The following PCDH15 variants were observed in gnomAD, a reference collection of about 807,000 sequenced individuals.
PCDH15 encodes the protein protocadherin related 15, also known as protocadherin-15.
Under a neutral mutation model 178.5 loss-of-function variants are expected in PCDH15, and 129 were observed. That is an observed-to-expected ratio of 0.72 (90% CI 0.63 to 0.84). PCDH15 has a LOEUF of 0.84. PCDH15 is among the 40% of genes least tolerant of loss of function. The probability of loss-of-function intolerance (pLI) is 0.00; values close to 1 mark genes in which losing one functional copy is unlikely to be tolerated. For missense variants in PCDH15, 2,230 were observed against 2,099.9 expected (o/e 1.06, Z -1.21); for synonymous variants, 800 against 732.0 (o/e 1.09, Z -1.50).
chr10:55,026,401 A>C (rs1840477055), intron 2 of PCDH15, among the ~76,000 whole-genome samples: 1 of 152,028 alleles, frequency 6.6e-6, no homozygotes, highest in Admixed American at 6.6e-5. Context: ...TTATATAACA[A>C]CACATTCTGA....
At chr10:55,123,537 T>C (rs1837824502) in intron 2 of PCDH15, among the ~76,000 whole-genome samples, 1 of 152,148 alleles carries the variant, frequency 6.6e-6, no homozygotes, top group African/African-American at 2.4e-5. Flanking sequence ...CATGGATGAT[T>C]TTTAACCCTT....
At chr10:55,068,925 T>C (rs1841641380) in intron 2 of PCDH15, among the ~76,000 whole-genome samples, 1 of 151,978 alleles carries the variant, frequency 6.6e-6, no homozygotes, top group Non-Finnish European at 1.5e-5. Context: ...TGAGACAGAG[T>C]CTCACTCCAA....
chr10:54,623,034 C>T (rs1333929093), intron 2 of PCDH15, among the ~76,000 whole-genome samples: 9 of 151,726 alleles, frequency 5.9e-5, no homozygotes, highest in Admixed American at 5.3e-4. Context: ...ATTCCCACTA[C>T]TTCCATATAA....
chr10:53,849,903 A>C (rs2132914028), intron 28 of PCDH15, among the ~76,000 whole-genome samples: 1 of 150,880 alleles, frequency 6.6e-6, no homozygotes, highest in South Asian at 2.1e-4. Context: ...AAAAATTTGT[A>C]CAAATTTGGA....
intron 6 of PCDH15, among the ~76,000 whole-genome samples, chr10:54,339,487 T>A (rs1406134729): frequency 1.3e-5 from 2 of 152,218 alleles, no homozygotes; most frequent in African/African-American, 2.4e-5. Flanking sequence ...TTTTACATAT[T>A]GTCTACTACC....
chr10:55,531,988 G>T (rs1032101073), intron 2 of PCDH15, among the ~76,000 whole-genome samples: 17 of 151,834 alleles, frequency 1.1e-4, no homozygotes, highest in African/African-American at 4.1e-4. Context: ...TGAATAAATA[G>T]ATTTTTTTTA....
intron 3 of PCDH15, among the ~76,000 whole-genome samples, chr10:54,393,774 T>G (rs1253142556): frequency 6.6e-6 from 1 of 152,202 alleles, no homozygotes; most frequent in Non-Finnish European, 1.5e-5. Flanking sequence ...GCCCATTCAC[T>G]TTTTAGGGAA....
intron 2 of PCDH15, among the ~76,000 whole-genome samples, chr10:55,442,481 TTA>T (rs1554869633): frequency 1.0e-3 from 128 of 123,058 alleles, no homozygotes; most frequent in African/African-American, 1.6e-3. Flanking sequence ...TATATATATA[TTA>T]TATATATATA....
intron 2 of PCDH15, among the ~76,000 whole-genome samples, chr10:55,061,444 CT>C (rs1841429124): frequency 1.3e-5 from 2 of 152,162 alleles, no homozygotes; most frequent in Non-Finnish European, 2.9e-5. Flanking sequence ...CTCCCTTTCA[CT>C]GCTGGTGGAA....
chr10:55,588,730 G>T (rs990369165), intron 2 of PCDH15, among the ~76,000 whole-genome samples: 2 of 151,970 alleles, frequency 1.3e-5, no homozygotes, highest in African/African-American at 4.8e-5. Flanking sequence ...TGAAGAAAAT[G>T]AAGTCAAAAA....
chr10:55,074,350 T>G (rs993027323), intron 2 of PCDH15, among the ~76,000 whole-genome samples: 9 of 152,150 alleles, frequency 5.9e-5, no homozygotes, highest in Non-Finnish European at 1.3e-4. Context: ...GTGTTCCTAT[T>G]TCTCCACAGT....
intron 15 of PCDH15, among the ~76,000 whole-genome samples, chr10:54,107,628 A>C (rs977913123): frequency 6.6e-6 from 1 of 152,178 alleles, no homozygotes; most frequent in Admixed American, 6.6e-5. Flanking sequence ...TTAAGAGTCT[A>C]ATGAGGGTGA....
chr10:54,859,595 TC>T (rs1301691406), intron 3 of PCDH15, among the ~76,000 whole-genome samples: 7 of 152,058 alleles, frequency 4.6e-5, no homozygotes, highest in Admixed American at 2.6e-4. Flanking sequence ...TCAGGCAGTT[TC>T]ATTTGTTCAG....
At chr10:54,894,755 G>C (rs1164703986) in intron 3 of PCDH15, among the ~76,000 whole-genome samples, 1 of 140,062 alleles carries the variant, frequency 7.1e-6, no homozygotes, top group Non-Finnish European at 1.5e-5. Context: ...AAATAGAAGA[G>C]AGAGAATTAG....
chr10:54,591,977 T>G (rs1171446020), intron 2 of PCDH15, among the ~76,000 whole-genome samples: 4 of 152,024 alleles, frequency 2.6e-5, no homozygotes, highest in Non-Finnish European at 5.9e-5. Flanking sequence ...ATGACAATGC[T>G]CCATGGAATT....
At chr10:54,146,961 T>C (rs765642989) in intron 14 of PCDH15, among the ~76,000 whole-genome samples, 1 of 138,460 alleles carries the variant, frequency 7.2e-6, no homozygotes. Context: ...TATATATATA[T>C]AATGTATATA....
chr10:54,343,985 T>C (rs1565024540), intron 6 of PCDH15, among the ~76,000 whole-genome samples: 1 of 152,142 alleles, frequency 6.6e-6, no homozygotes, highest in African/African-American at 2.4e-5. Flanking sequence ...TGCCACACTA[T>C]GGTGCTATTA....
chr10:54,423,835 C>T (rs1955869619), intron 3 of PCDH15, among the ~76,000 whole-genome samples: 1 of 151,842 alleles, frequency 6.6e-6, no homozygotes, highest in South Asian at 2.1e-4. Context: ...AACTGGATCC[C>T]TTCCTTACAC....
intron 2 of PCDH15, among the ~76,000 whole-genome samples, chr10:55,442,488 T>TA (rs1244338746): frequency 6.9e-6 from 1 of 144,030 alleles, no homozygotes; most frequent in Non-Finnish European, 1.5e-5. Flanking sequence ...ATATTATATA[T>TA]ATATATATAT....
Sources: allele counts gnomAD v4.1 joint callset (sites outside exome capture counted in the v4.1 genomes callset), GRCh38; gene constraint gnomAD v4.1.1; transcripts MANE v1.5; gene names NCBI Gene and HGNC (gene_info 2026-07-23, HGNC 2026-07-21).